The following SLIT3 variants were observed in gnomAD, a reference collection of about 807,000 sequenced individuals.
The protein encoded by SLIT3 is slit homolog 3 protein.
SLIT3 carries 68 observed loss-of-function variants against 184.0 expected under a neutral mutation model. That is an observed-to-expected ratio of 0.37 (90% CI 0.30 to 0.45). The LOEUF is 0.45. Ranked by LOEUF, SLIT3 falls within the 20% of genes least tolerant of loss-of-function variation. The pLI, the probability that SLIT3 is intolerant of heterozygous loss-of-function variation, is 1.00. For missense variants in SLIT3, 1,707 were observed against 2,026.0 expected (o/e 0.84, Z 3.02); for synonymous variants, 831 against 828.6 (o/e 1.00, Z -0.05).
intron 4 of SLIT3, among the ~76,000 whole-genome samples, chr5:169,130,882 A>G (rs1168250885): frequency 1.3e-5 from 2 of 152,216 alleles, no homozygotes; most frequent in African/African-American, 4.8e-5. Flanking sequence ...CTACAGAATG[A>G]TAGAGTATAC....
rs1017618025 is a variant in SLIT3 at position 168,700,799 on chromosome 5, G to T, written c.2845-120C>A. 1.4e-5 allele frequency: 10 copies of T among 729,086 alleles called. No individual in the cohort carries two copies. In the African/African-American group the frequency reaches 1.7e-4, roughly 13 times the overall value. The allele number at this position is 729,086 out of a possible 1,614,324, so 45.2% of individuals were successfully genotyped here. On this transcript the variant is annotated intron_variant, in intron 26 of 35. Coordinates refer to ENST00000519560, the MANE Select transcript of SLIT3 (RefSeq NM_003062.4). ...GAGGCTGGGGAGATGACAACAAGGA[G>T]CCCCTAGGAAAGGCCTGCTGTGTGA...
Position 168,987,213 on chromosome 5 carries a change from C to T in SLIT3, c.414-103877G>A, listed in dbSNP as rs149782324. ...GGAATCCTGACAACTCTAGTTCTCTCTCCCTCTTTACTCTGGATTCCACTG... is the reference window on the plus strand; with the variant it reads ...GGAATCCTGACAACTCTAGTTCTCTTTCCCTCTTTACTCTGGATTCCACTG... On this transcript the variant is annotated intron_variant, in intron 4 of 35. Transcript: ENST00000519560. Among the ~76,000 whole-genome samples the T allele has an allele frequency of 3.0e-3, 452 of 152,316 alleles. 3 individuals carry two copies. The highest frequency in any genetic ancestry group is 3.7e-3 in the Non-Finnish European group (254 of 68,034).
At chr5:169,004,099 G>C (rs1283698260) in intron 4 of SLIT3, among the ~76,000 whole-genome samples, 1 of 152,026 alleles carries the variant, frequency 6.6e-6, no homozygotes, top group South Asian at 2.1e-4. Flanking sequence ...TTCTTCATGG[G>C]TGCTGTTCCT....
intron 6 of SLIT3, among the ~76,000 whole-genome samples, chr5:168,828,882 T>G (rs1223739137): frequency 6.6e-6 from 1 of 152,064 alleles, no homozygotes; most frequent in Non-Finnish European, 1.5e-5. Context: ...TTTACTTAAG[T>G]GTAGAGGGTA....
At chr5:169,076,132 G>A (rs1403187417) in intron 4 of SLIT3, among the ~76,000 whole-genome samples, 2 of 152,226 alleles carry the variant, frequency 1.3e-5, no homozygotes, top group Non-Finnish European at 2.9e-5. Flanking sequence ...AGATGGGCCT[G>A]GTGGTGACTC....
chr5:169,145,845 C>T (rs993325656), intron 4 of SLIT3, among the ~76,000 whole-genome samples: 5 of 152,166 alleles, frequency 3.3e-5, no homozygotes, highest in African/African-American at 7.2e-5. Flanking sequence ...GTCAGGAGCT[C>T]GAGGCCAGCC....
intron 4 of SLIT3, among the ~76,000 whole-genome samples, chr5:169,141,600 G>C (rs1171868284): frequency 6.6e-6 from 1 of 151,766 alleles, no homozygotes; most frequent in Non-Finnish European, 1.5e-5. Context: ...TTAGCCAGGC[G>C]TGGTGGCGGG....
intron 4 of SLIT3, among the ~76,000 whole-genome samples, chr5:168,948,334 G>A (rs1762552207): frequency 6.6e-6 from 1 of 152,172 alleles, no homozygotes. Context: ...TGGGTTCAGA[G>A]GAGACTCAGC....
intron 4 of SLIT3, among the ~76,000 whole-genome samples, chr5:169,141,545 C>T (rs908756931): frequency 6.6e-6 from 1 of 151,754 alleles, no homozygotes; most frequent in African/African-American, 2.4e-5. Context: ...CGAGACCATC[C>T]TGGCTAACAC....
intron 4 of SLIT3, among the ~76,000 whole-genome samples, chr5:168,955,155 G>A (rs578128711): frequency 1.3e-5 from 2 of 152,274 alleles, no homozygotes; most frequent in Non-Finnish European, 2.9e-5. Flanking sequence ...TAATTTTGAT[G>A]TACAGATTTC....
In SLIT3 at chr5:168,710,877, G is replaced by C; in HGVS notation, c.2719+18C>G. Reference sequence around the variant, plus strand: ...CCCCAAGAGGGGCAGGGGAGGGTGGGGTGTGGGCGTCACCTACCTTTGCAC... The same window carrying C: ...CCCCAAGAGGGGCAGGGGAGGGTGGCGTGTGGGCGTCACCTACCTTTGCAC... On this transcript the variant is annotated intron_variant, in intron 25 of 35. Coordinates refer to ENST00000519560, the MANE Select transcript of SLIT3 (RefSeq NM_003062.4). 6.7e-7 allele frequency: 1 copy of C among 1,497,208 alleles called. No individual in the cohort carries two copies. The highest frequency in any genetic ancestry group is 1.4e-5 in the African/African-American group (1 of 72,414). 92.7% of individuals were successfully genotyped at this position (1,497,208 alleles called of 1,614,324 possible).
chr5:169,243,864 A>G (rs142380798), intron 3 of SLIT3, among the ~76,000 whole-genome samples: 1 of 152,338 alleles, frequency 6.6e-6, no homozygotes, highest in Non-Finnish European at 1.5e-5. Flanking sequence ...AGAACTTTGA[A>G]GAGAGCCACC....
intron 4 of SLIT3, among the ~76,000 whole-genome samples, chr5:168,971,493 C>A (rs957578074): frequency 7.2e-5 from 11 of 152,062 alleles, no homozygotes; most frequent in African/African-American, 2.7e-4. Flanking sequence ...TGATTTTTTT[C>A]TTTTCCTAGT....
intron 4 of SLIT3, among the ~76,000 whole-genome samples, chr5:169,079,849 A>AGGAG: frequency 9.7e-6 from 1 of 103,518 alleles, no homozygotes; most frequent in Non-Finnish European, 2.0e-5. Flanking sequence ...AGGGAGGAGG[A>AGGAG]GGAGGGAGGG....
At chr5:168,881,284 C>A (rs186890539) in intron 5 of SLIT3, among the ~76,000 whole-genome samples, 1 of 152,008 alleles carries the variant, frequency 6.6e-6, no homozygotes, top group Admixed American at 6.6e-5. Flanking sequence ...GAGGCCTTTG[C>A]GTAGTTAGAG....
intron 5 of SLIT3, among the ~76,000 whole-genome samples, chr5:168,864,856 T>A (rs571540126): frequency 6.6e-6 from 1 of 152,144 alleles, no homozygotes. Context: ...TGTTAAGTAA[T>A]GTTTGGTCAT....
At chr5:168,835,498 G>A (rs573786759) in intron 6 of SLIT3, among the ~76,000 whole-genome samples, 11 of 150,434 alleles carry the variant, frequency 7.3e-5, no homozygotes, top group African/African-American at 2.0e-4. Context: ...AAAAAGTGTT[G>A]TTTTTTTGTT....
chr5:168,856,800 T>TGCGC (rs1328584244), intron 5 of SLIT3, among the ~76,000 whole-genome samples: 49 of 141,532 alleles, frequency 3.5e-4, no homozygotes, highest in African/African-American at 1.4e-3. Flanking sequence ...TGTGTGTGTG[T>TGCGC]GTGTGTGCGC....
intron 3 of SLIT3, among the ~76,000 whole-genome samples, chr5:169,215,258 G>A (rs1460250189): frequency 6.6e-6 from 1 of 152,094 alleles, no homozygotes; most frequent in Non-Finnish European, 1.5e-5. Context: ...CTTTGCTGAT[G>A]TTGTTCTATC....
Sources: allele counts gnomAD v4.1 joint callset (sites outside exome capture counted in the v4.1 genomes callset), GRCh38; gene constraint gnomAD v4.1.1; transcripts MANE v1.5; gene names NCBI Gene and HGNC (gene_info 2026-07-23, HGNC 2026-07-21).